The following PTPRN2 variants were observed in gnomAD, a reference collection of about 807,000 sequenced individuals.
PTPRN2 encodes the protein protein tyrosine phosphatase receptor type N2, also known as receptor-type tyrosine-protein phosphatase N2.
Under a neutral mutation model 118.8 loss-of-function variants are expected in PTPRN2, and 74 were observed. That is an observed-to-expected ratio of 0.62 (90% CI 0.52 to 0.76). The LOEUF is 0.76. Among genes scored for constraint, PTPRN2 ranks in the 30% least tolerant of loss-of-function variants. The probability of loss-of-function intolerance (pLI) is 0.00; values close to 1 mark genes in which losing one functional copy is unlikely to be tolerated. For synonymous variants in PTPRN2, 641 were observed against 608.0 expected (o/e 1.05, Z -0.80); for missense variants, 1,481 against 1,394.4 (o/e 1.06, Z -0.99).
intron 3 of PTPRN2, among the ~76,000 whole-genome samples, chr7:158,253,196 G>C (rs1298624345): frequency 1.3e-5 from 2 of 152,204 alleles, no homozygotes; most frequent in Non-Finnish European, 2.9e-5. Context: ...AGATCTACCT[G>C]GGCCAGTCTC....
intron 21 of PTPRN2, 137 bp from the exon 22 acceptor site, chr7:157,549,156 G>C: frequency 1.3e-6 from 1 of 781,896 alleles, no homozygotes; most frequent in Non-Finnish European, 2.1e-6. Flanking sequence ...CAGCCGGCTG[G>C]CAGGCGGCTG....
Position 158,015,058 on chromosome 7 carries a change from C to A in PTPRN2, c.1723+66240G>T, listed in dbSNP as rs1439996703. ...CTCTCATTTGTCTCTCTTTTTCTTC[C>A]CTTGTATCTTGCAAATCCCTCAGAT... On this transcript the variant is annotated intron_variant, in intron 11 of 22. Transcript: ENST00000389418. The surrounding 1 kb of genome is among the most constrained non-coding windows in gnomAD (Gnocchi z 4.2). 6.6e-6 allele frequency among the ~76,000 whole-genome samples: 1 copy of A among 152,070 alleles called. No individual in the cohort carries two copies. Among genetic ancestry groups the A allele is most frequent in the Non-Finnish European group, 1.5e-5 (1 of 68,000 alleles).
intron 11 of PTPRN2, among the ~76,000 whole-genome samples, chr7:157,940,828 CAGTGA>C (rs1800036215): frequency 1.1e-5 from 1 of 87,218 alleles, no homozygotes; most frequent in Non-Finnish European, 2.0e-5. Flanking sequence ...GCCCTCCCCA[CAGTGA>C]CACTGCAAAT....
intron 12 of PTPRN2, among the ~76,000 whole-genome samples, chr7:157,843,074 A>T (rs1041291239): frequency 2.0e-5 from 3 of 152,182 alleles, no homozygotes; most frequent in African/African-American, 7.2e-5. Flanking sequence ...GTCACTCTTG[A>T]TAGCATAATA....
At chr7:158,227,772 C>T (rs1329626748) in intron 3 of PTPRN2, among the ~76,000 whole-genome samples, 1 of 152,174 alleles carries the variant, frequency 6.6e-6, no homozygotes, top group Non-Finnish European at 1.5e-5. Flanking sequence ...TGAGAGGAAA[C>T]ACTCCTTAAG....
At chr7:157,805,999 G>A (rs1001095545) in intron 12 of PTPRN2, among the ~76,000 whole-genome samples, 1 of 152,198 alleles carries the variant, frequency 6.6e-6, no homozygotes, top group African/African-American at 2.4e-5. Flanking sequence ...CTGATGCTGA[G>A]TGCACCTGAA....
At chr7:157,981,605 TTAC>T (rs937677779) in intron 11 of PTPRN2, among the ~76,000 whole-genome samples, 3 of 114,464 alleles carry the variant, frequency 2.6e-5, no homozygotes, top group Non-Finnish European at 4.1e-5. Flanking sequence ...GTAATTCAGT[TTAC>T]TTTATTTTAA....
At chr7:158,026,125 G>A (rs146093012) in intron 11 of PTPRN2, among the ~76,000 whole-genome samples, 1 of 152,364 alleles carries the variant, frequency 6.6e-6, no homozygotes, top group African/African-American at 2.4e-5. Flanking sequence ...CGGGGTCGGC[G>A]CGGAGGGAAG....
intron 2 of PTPRN2, among the ~76,000 whole-genome samples, chr7:158,337,777 T>A (rs1805976378): frequency 2.7e-5 from 2 of 74,618 alleles, no homozygotes; most frequent in South Asian, 6.4e-4. Context: ...CAAACGTCAC[T>A]CACACCCACA....
At chr7:158,461,489 C>A in intron 2 of PTPRN2, among the ~76,000 whole-genome samples, 1 of 124,482 alleles carries the variant, frequency 8.0e-6, no homozygotes. Context: ...GAGCGAGACT[C>A]CGTCTCAAAA....
intron 2 of PTPRN2, among the ~76,000 whole-genome samples, chr7:158,479,829 G>A (rs1368512164): frequency 6.6e-6 from 1 of 152,250 alleles, no homozygotes; most frequent in East Asian, 1.9e-4. Flanking sequence ...AGGGTACTAC[G>A]GGGTGGCGGG....
chr7:158,244,777 T>G (rs1796103320), intron 3 of PTPRN2, among the ~76,000 whole-genome samples: 1 of 151,724 alleles, frequency 6.6e-6, no homozygotes, highest in Non-Finnish European at 1.5e-5. Context: ...TGTGTGGGTG[T>G]GTGTGAGTTG....
At chr7:158,032,654 T>C (rs75360126) in intron 11 of PTPRN2, among the ~76,000 whole-genome samples, 3,737 of 151,940 alleles carry the variant, frequency 0.025, 159 homozygotes, top group African/African-American at 0.087. Flanking sequence ...AGTGAATTCA[T>C]ACAACGCTAA....
In PTPRN2 at chr7:158,529,510, A is replaced by G. The variant is rs147526875; in HGVS notation, c.113-39725T>C. ...ACAGCTCACACACAGCTGCAAACTC[A>G]CATCGCTGCCTCTGGAACCACAGAG... is the stretch of plus-strand genomic sequence containing the variant. On this transcript the variant is annotated intron_variant, in intron 1 of 22. Transcript: ENST00000389418. The surrounding 1 kb of genome is among the most constrained non-coding windows in gnomAD (Gnocchi z 4.7). Among the ~76,000 whole-genome samples the G allele has an allele frequency of 4.4e-4, 67 of 152,318 alleles. No homozygotes were observed. The highest frequency in any genetic ancestry group is 8.2e-4 in the Non-Finnish European group (56 of 68,022).
intron 14 of PTPRN2, among the ~76,000 whole-genome samples, chr7:157,625,122 G>A (rs540167799): frequency 3.3e-5 from 5 of 152,248 alleles, no homozygotes; most frequent in South Asian, 4.1e-4. Flanking sequence ...ACACTTCTTC[G>A]CTGCTGATGG....
At chr7:158,102,267 G>C (rs992531524) in intron 10 of PTPRN2, among the ~76,000 whole-genome samples, 1 of 152,154 alleles carries the variant, frequency 6.6e-6, no homozygotes, top group Non-Finnish European at 1.5e-5. Context: ...ACCACAGAAG[G>C]GCTTTGCCAG....
chr7:157,677,263 G>C (rs1585222778), intron 13 of PTPRN2, among the ~76,000 whole-genome samples: 1 of 152,170 alleles, frequency 6.6e-6, no homozygotes. Flanking sequence ...TTATGTCTCA[G>C]ACTTTCCAAT....
chr7:157,750,315 A>C (rs1003854207), intron 12 of PTPRN2, among the ~76,000 whole-genome samples: 1 of 152,180 alleles, frequency 6.6e-6, no homozygotes, highest in Non-Finnish European at 1.5e-5. Flanking sequence ...GATCAAAACA[A>C]TCAAATCTCT....
intron 5 of PTPRN2, among the ~76,000 whole-genome samples, chr7:158,186,256 C>T (rs1825121780): frequency 6.6e-6 from 1 of 152,190 alleles, no homozygotes; most frequent in South Asian, 2.1e-4. Context: ...GTTCATCCAT[C>T]CCTTTCTGGA....
Sources: gnomAD v4.1 joint callset for allele counts (sites outside exome capture counted in the v4.1 genomes callset) on GRCh38, gnomAD v4.1.1 for gene constraint, Gnocchi (gnomAD v3.1) non-coding constraint, MANE v1.5 for transcripts, NCBI Gene and HGNC (gene_info 2026-07-23, HGNC 2026-07-21) for gene names.